ANGPT1: variants seen among roughly 807,000 people sequenced by gnomAD.
ANGPT1 encodes angiopoietin 1.
ANGPT1 carries 17 observed loss-of-function variants against 62.2 expected under a neutral mutation model. The ratio of observed to expected loss-of-function variants is 0.27; its 90% CI spans 0.19 to 0.41. The LOEUF (loss-of-function observed/expected upper bound fraction) is 0.41. Ranked by LOEUF, ANGPT1 falls within the 10% of genes least tolerant of loss-of-function variation. The pLI is 1.00. For synonymous variants in ANGPT1, 199 were observed against 198.9 expected (o/e 1.00, Z 0.00); for missense variants, 478 against 594.9 (o/e 0.80, Z 2.04).
intron 6 of ANGPT1, among the ~76,000 whole-genome samples, chr8:107,289,546 T>C (rs1398674548): frequency 6.6e-6 from 1 of 152,166 alleles, no homozygotes; most frequent in Non-Finnish European, 1.5e-5. Context: ...AGTTAAATTG[T>C]GCATCTCCTC....
intron 1 of ANGPT1, among the ~76,000 whole-genome samples, chr8:107,420,580 G>A (rs956328892): frequency 7.2e-5 from 11 of 152,034 alleles, no homozygotes; most frequent in East Asian, 3.9e-4. Context: ...CCAATCAGAC[G>A]GAGAAGAACA....
chr8:107,486,903 C>T (rs1171759363), intron 1 of ANGPT1, among the ~76,000 whole-genome samples: 1 of 152,164 alleles, frequency 6.6e-6, no homozygotes, highest in African/African-American at 2.4e-5. Context: ...TTTCTTACAT[C>T]TTCCTAGTAC....
chr8:107,470,005 C>A (rs185780646), intron 1 of ANGPT1, among the ~76,000 whole-genome samples: 5 of 152,122 alleles, frequency 3.3e-5, no homozygotes, highest in Admixed American at 2.0e-4. Flanking sequence ...AATGAGTAGA[C>A]AATATTCCAC....
At chr8:107,367,083 G>A (rs2514858) in intron 1 of ANGPT1, among the ~76,000 whole-genome samples, 85,912 of 151,898 alleles carry the variant, frequency 0.57, 24,363 homozygotes, top group Admixed American at 0.63. Flanking sequence ...CCCAGATCCC[G>A]AAATCTCACA....
intron 8 of ANGPT1, among the ~76,000 whole-genome samples, chr8:107,255,767 T>G (rs1813344234): frequency 6.7e-6 from 1 of 148,520 alleles, no homozygotes; most frequent in Non-Finnish European, 1.5e-5. Flanking sequence ...TCAAATAAGA[T>G]AATGCACTAT....
At chr8:107,268,304 T>C (rs1334809625) in intron 7 of ANGPT1, among the ~76,000 whole-genome samples, 1 of 152,048 alleles carries the variant, frequency 6.6e-6, no homozygotes, top group Non-Finnish European at 1.5e-5. Flanking sequence ...ATTTCAGAAG[T>C]ATAGCTTTTA....
chr8:107,485,349 A>G (rs1812788948), intron 1 of ANGPT1, among the ~76,000 whole-genome samples: 1 of 152,130 alleles, frequency 6.6e-6, no homozygotes, highest in Non-Finnish European at 1.5e-5. Context: ...GAATGACTGA[A>G]ATCTATTTTG....
chr8:107,365,302 G>A (rs991693052), intron 1 of ANGPT1, among the ~76,000 whole-genome samples: 9 of 152,104 alleles, frequency 5.9e-5, no homozygotes, highest in African/African-American at 1.9e-4. Context: ...TTGACAATGG[G>A]CAGCCTCAAA....
chr8:107,281,427 C>T (rs78556823), intron 7 of ANGPT1, among the ~76,000 whole-genome samples: 4,693 of 152,094 alleles, frequency 0.031, 96 homozygotes, highest in East Asian at 0.13. Context: ...ATATTTCAGT[C>T]GGAATTTAGT....
At chr8:107,299,799 T>C (rs187028542) in intron 5 of ANGPT1, among the ~76,000 whole-genome samples, 10,954 of 73,844 alleles carry the variant, frequency 0.15, 478 homozygotes, top group Middle Eastern at 0.23. Context: ...TATGTAGTTA[T>C]ATCTAGATAT....
intron 8 of ANGPT1, among the ~76,000 whole-genome samples, chr8:107,259,046 C>A (rs1563537942): frequency 6.6e-6 from 1 of 152,132 alleles, no homozygotes; most frequent in Non-Finnish European, 1.5e-5. Context: ...ATTCACAGAA[C>A]TTACATTTGT....
intron 1 of ANGPT1, among the ~76,000 whole-genome samples, chr8:107,383,421 C>T (rs1236347455): frequency 6.6e-6 from 1 of 152,172 alleles, no homozygotes; most frequent in Non-Finnish European, 1.5e-5. Flanking sequence ...CAGAGAACAG[C>T]TGTAACTGAG....
chr8:107,388,040 C>T (rs955503521), intron 1 of ANGPT1, among the ~76,000 whole-genome samples: 1 of 151,490 alleles, frequency 6.6e-6, no homozygotes, highest in African/African-American at 2.4e-5. Context: ...AATTGTTTCT[C>T]AAGTTTGCTC....
At chr8:107,432,826 A>G (rs1291385931) in intron 1 of ANGPT1, among the ~76,000 whole-genome samples, 1 of 152,214 alleles carries the variant, frequency 6.6e-6, no homozygotes, top group African/African-American at 2.4e-5. Context: ...TAAATATTCA[A>G]GGTCATCTTG....
chr8:107,432,457 G>A (rs2130408437), intron 1 of ANGPT1, among the ~76,000 whole-genome samples: 1 of 152,268 alleles, frequency 6.6e-6, no homozygotes, highest in South Asian at 2.1e-4. Context: ...GAGGTCAGGA[G>A]ATCGAGACCA....
At chr8:107,452,851 G>GC (rs1337032271) in intron 1 of ANGPT1, among the ~76,000 whole-genome samples, 1 of 151,880 alleles carries the variant, frequency 6.6e-6, no homozygotes, top group Non-Finnish European at 1.5e-5. Context: ...ATAAATGCTT[G>GC]TTTTTTGCTT....
intron 1 of ANGPT1, among the ~76,000 whole-genome samples, chr8:107,419,324 C>G (rs183144263): frequency 6.6e-6 from 1 of 152,236 alleles, no homozygotes; most frequent in East Asian, 1.9e-4. Context: ...GGTCATAAAA[C>G]TTTCATTCCA....
intron 7 of ANGPT1, among the ~76,000 whole-genome samples, chr8:107,276,226 G>C (rs1489999794): frequency 6.6e-6 from 1 of 152,040 alleles, no homozygotes; most frequent in Non-Finnish European, 1.5e-5. Context: ...TAAAAGTAAT[G>C]CACCTTCCAA....
At chr8:107,458,017 T>A (rs965280040) in intron 1 of ANGPT1, among the ~76,000 whole-genome samples, 2 of 151,996 alleles carry the variant, frequency 1.3e-5, no homozygotes, top group East Asian at 1.9e-4. Context: ...GTGAAAAAAA[T>A]AAAATAAAAG....
Sources: allele counts gnomAD v4.1 joint callset (sites outside exome capture counted in the v4.1 genomes callset), GRCh38; gene constraint gnomAD v4.1.1; transcripts MANE v1.5; gene names NCBI Gene and HGNC (gene_info 2026-07-23, HGNC 2026-07-21).